The following TRAF2 variants were observed in gnomAD, a reference collection of about 807,000 sequenced individuals.
TRAF2 encodes the protein TNF receptor associated factor 2.
Under a neutral mutation model 55.6 loss-of-function variants are expected in TRAF2, and 6 were observed. The ratio of observed to expected loss-of-function variants is 0.11; its 90% CI spans 0.06 to 0.21. The LOEUF (loss-of-function observed/expected upper bound fraction) is 0.21, where lower values mean the gene tolerates loss of function less well. Among genes scored for constraint, TRAF2 ranks in the 10% least tolerant of loss-of-function variants. The pLI is 1.00. For missense variants in TRAF2, 561 were observed against 684.5 expected, an observed-to-expected ratio of 0.82 and a Z score of 2.01; for synonymous variants, 329 against 276.3, an observed-to-expected ratio of 1.19 and a Z score of -1.89.
At chr9:136,914,499 C>A (rs1007004935) in intron 6 of TRAF2, among the ~76,000 whole-genome samples, 2 of 152,202 alleles carry the variant, frequency 1.3e-5, no homozygotes, top group Admixed American at 6.5e-5. Context: ...CCACTTCTTC[C>A]CGCAGCCCAG....
chr9:136,924,419 G>A (rs1280745272), intron 10 of TRAF2, among the ~76,000 whole-genome samples: 2 of 151,782 alleles, frequency 1.3e-5, no homozygotes, highest in Non-Finnish European at 1.5e-5. Flanking sequence ...AAAATTAGCC[G>A]GGCATGGTGG....
rs777630781 is a variant in TRAF2 at position 136,916,600 on chromosome 9, C to T, written c.663C>T (p.Ile221=). The change falls in exon 7 of 11, where the codon ATC becomes ATT. Residue 221 remains isoleucine, a synonymous_variant. Coordinates refer to ENST00000247668, the MANE Select transcript of TRAF2 (RefSeq NM_021138.4). ...KCRVPCRFHA[I]GCLETVEGEK... is the part of the protein sequence containing the mutation. Reference sequence around the variant, plus strand: ...GAGTCCCTTGCAGATTCCACGCCATCGGCTGCCTCGAGACGGTGAGTCGGG... The same window carrying T: ...GAGTCCCTTGCAGATTCCACGCCATTGGCTGCCTCGAGACGGTGAGTCGGG... The T allele has an allele frequency of 3.7e-5, 59 of 1,613,862 alleles. No homozygotes were observed. Among genetic ancestry groups the T allele is most frequent in the East Asian group, 4.5e-5 (2 of 44,882 alleles).
At chr9:136,900,755 G>T in intron 4 of TRAF2, 1 of 516,664 alleles carries the variant, frequency 1.9e-6, no homozygotes. Context: ...CTCGGGCGAG[G>T]TATTTACCCT....
chr9:136,910,143 G>A (rs935094284), intron 6 of TRAF2, 149 bp downstream of exon 6: 16 of 852,146 alleles, frequency 1.9e-5, no homozygotes, highest in African/African-American at 5.0e-5. Context: ...TCATGGATGC[G>A]TTCAGGGTGG....
chr9:136,900,467 G>A lies in TRAF2; in HGVS notation c.313G>A (p.Ala105Thr). The A allele has an allele frequency of 6.2e-7, 1 of 1,612,580 alleles. No individual in the cohort carries two copies. Among genetic ancestry groups the A allele is most frequent in the South Asian group, 1.1e-5 (1 of 91,008 alleles). ...AARREVESLP[A>T]VCPSDGCTWK... is the part of the protein sequence containing the mutation. ...CCGCAGGGAGGTGGAGAGCCTGCCG[G>A]CCGTCTGTCCCAGTGATGGATGCAC... Residue 105 changes from alanine to threonine, a missense_variant, in exon 4 of 11, where the codon GCC becomes ACC. Ala to Thr is a moderately conservative substitution (Grantham distance 58, BLOSUM62 0). Around this residue, in one of 2 missense-constraint regions of TRAF2, gnomAD observed 426 missense variants for 476.8 expected, o/e 0.89. Transcript: ENST00000247668.
chr9:136,886,941 C>G (rs1432585561), intron 1 of TRAF2: 2 of 152,316 alleles, frequency 1.3e-5, no homozygotes, highest in African/African-American at 4.8e-5. Flanking sequence ...AGCTGTGGGC[C>G]CCTCGTGTCC....
chr9:136,886,367 C>G (rs780670873), upstream of TRAF2: 46 of 982,038 alleles, frequency 4.7e-5, no homozygotes, highest in Non-Finnish European at 5.5e-5. Context: ...GTCCGTCAGG[C>G]GCGCTCGGAG....
intron 1 of TRAF2, among the ~76,000 whole-genome samples, chr9:136,891,182 C>A (rs189510475): frequency 2.3e-4 from 35 of 152,276 alleles, no homozygotes; most frequent in Admixed American, 2.2e-3. Flanking sequence ...GATCTCAGCT[C>A]ACTGCAACCT....
chr9:136,891,675 C>G (rs1310334142), intron 1 of TRAF2, among the ~76,000 whole-genome samples: 1 of 151,992 alleles, frequency 6.6e-6, no homozygotes, highest in African/African-American at 2.4e-5. Flanking sequence ...GAAAGATGCA[C>G]CAGGACACTC....
chr9:136,891,508 T>G (rs1438871712), intron 1 of TRAF2, among the ~76,000 whole-genome samples: 1 of 151,250 alleles, frequency 6.6e-6, no homozygotes, highest in Non-Finnish European at 1.5e-5. Flanking sequence ...CCTCCCAAAG[T>G]GCTGGGATTA....
At chr9:136,922,680 T>TG (rs1287817377) in intron 9 of TRAF2, among the ~76,000 whole-genome samples, 1 of 42,578 alleles carries the variant, frequency 2.3e-5, no homozygotes, top group African/African-American at 1.0e-4. Context: ...CCTGGGGGCG[T>TG]GTGGAGGACA....
chr9:136,925,195 GA>G (rs1850499050), intron 10 of TRAF2, among the ~76,000 whole-genome samples: 2 of 152,228 alleles, frequency 1.3e-5, no homozygotes, highest in Admixed American at 1.3e-4. Flanking sequence ...TTGGGTGGGG[GA>G]GGGGGTGTGG....
chr9:136,916,685 G>A, intron 7 of TRAF2, 70 bp downstream of exon 7: 1 of 1,466,928 alleles, frequency 6.8e-7, no homozygotes, highest in Admixed American at 1.7e-5. Context: ...CTCCAGCCCA[G>A]TGCTTCCTGG....
chr9:136,902,805 A>C (rs1849852753), intron 4 of TRAF2, among the ~76,000 whole-genome samples: 1 of 151,978 alleles, frequency 6.6e-6, no homozygotes, highest in African/African-American at 2.4e-5. Flanking sequence ...GGGTGCTCGG[A>C]GTGTGCTGCT....
At chr9:136,924,822 C>T (rs185277558) in intron 10 of TRAF2, among the ~76,000 whole-genome samples, 2 of 151,944 alleles carry the variant, frequency 1.3e-5, no homozygotes, top group African/African-American at 4.8e-5. Context: ...TCACTGCAAC[C>T]TCCCCTCCTG....
intron 10 of TRAF2, among the ~76,000 whole-genome samples, chr9:136,925,373 CTAA>C (rs932205382): frequency 5.3e-5 from 8 of 152,206 alleles, no homozygotes; most frequent in African/African-American, 7.2e-5. Context: ...TTGCATTTTC[CTAA>C]TAATAATTCA....
At chr9:136,923,805 G>A (rs199749472) in intron 9 of TRAF2, 47 bp from the exon 10 acceptor site, 43 of 1,597,400 alleles carry the variant, frequency 2.7e-5, no homozygotes, top group African/African-American at 1.2e-4. Context: ...GCCCTGCCCC[G>A]CCCTTGCTGA....
chr9:136,888,267 C>G (rs572033176), intron 1 of TRAF2, among the ~76,000 whole-genome samples: 1 of 152,226 alleles, frequency 6.6e-6, no homozygotes, highest in Non-Finnish European at 1.5e-5. Flanking sequence ...CTCAGATGAG[C>G]TTTTATAGAA....
At chr9:136,920,559 A>AG (rs770636394) in intron 8 of TRAF2, 44 bp downstream of exon 8, 5 of 1,561,578 alleles carry the variant, frequency 3.2e-6, no homozygotes, top group African/African-American at 2.7e-5. Flanking sequence ...GACAGTGTAA[A>AG]GGGGGATAGT....
Sources: gnomAD v4.1 joint callset for allele counts (sites outside exome capture counted in the v4.1 genomes callset) on GRCh38, gnomAD v4.1.1 for gene constraint, gnomAD v4.1.1 regional missense constraint, MANE v1.5 for transcripts, NCBI Gene and HGNC (gene_info 2026-07-23, HGNC 2026-07-21) for gene names.